Variants in TIMM23B observed in about 807,000 individuals in gnomAD.
The protein encoded by TIMM23B is mitochondrial import inner membrane translocase subunit Tim23B.
In TIMM23B, 27 loss-of-function variants were observed where a neutral mutation model predicts 27.3. That is an observed-to-expected ratio of 0.99 (90% CI 0.73 to 1.36). The LOEUF (loss-of-function observed/expected upper bound fraction) is 1.36, where lower values mean the gene tolerates loss of function less well. TIMM23B is among the 40% of genes most tolerant of loss of function. The pLI, the probability that TIMM23B is intolerant of heterozygous loss-of-function variation, is 0.00. For missense variants in TIMM23B, 205 were observed against 244.2 expected, an observed-to-expected ratio of 0.84 and a Z score of 1.07; for synonymous variants, 73 against 92.4, an observed-to-expected ratio of 0.79 and a Z score of 1.21.
chr10:49,971,587 G>T (rs1840451976), intron 6 of TIMM23B, among the ~76,000 whole-genome samples: 2 of 152,154 alleles, frequency 1.3e-5, no homozygotes, highest in Non-Finnish European at 2.9e-5. Context: ...AGTCTTTTCA[G>T]TGTGCTGTGT....
At chr10:49,948,482 A>C (rs1839421840) in intron 2 of TIMM23B, among the ~76,000 whole-genome samples, 1 of 152,240 alleles carries the variant, frequency 6.6e-6, no homozygotes, top group Non-Finnish European at 1.5e-5. Flanking sequence ...TTATCCACTG[A>C]TGAATGGATA....
At chr10:49,957,139 C>T (rs1167408419) in intron 5 of TIMM23B, among the ~76,000 whole-genome samples, 7 of 151,984 alleles carry the variant, frequency 4.6e-5, no homozygotes, top group Admixed American at 1.3e-4. Flanking sequence ...GTGCTTCTGA[C>T]CAACCAGCTT....
At chr10:49,947,732 C>T (rs1396712803) in intron 2 of TIMM23B, among the ~76,000 whole-genome samples, 5 of 152,066 alleles carry the variant, frequency 3.3e-5, no homozygotes, top group African/African-American at 1.2e-4. Flanking sequence ...AGTTTGAGAC[C>T]TGCCTGGCCA....
At chr10:49,947,864 A>G (rs1410894517) in intron 2 of TIMM23B, among the ~76,000 whole-genome samples, 1 of 152,194 alleles carries the variant, frequency 6.6e-6, no homozygotes, top group Non-Finnish European at 1.5e-5. Context: ...CAGCAGGTCA[A>G]GTCTCAGTGA....
intron 4 of TIMM23B, among the ~76,000 whole-genome samples, chr10:49,954,677 C>T (rs1170037826): frequency 6.6e-6 from 1 of 150,524 alleles, no homozygotes. Flanking sequence ...CATTCAAAGC[C>T]TTATATATAT....
intron 6 of TIMM23B, among the ~76,000 whole-genome samples, chr10:49,967,993 C>A (rs1182730222): frequency 1.3e-4 from 19 of 151,788 alleles, no homozygotes; most frequent in Admixed American, 1.1e-3. Flanking sequence ...TATGTGAAAT[C>A]TCCTGTTTTT....
intron 2 of TIMM23B, among the ~76,000 whole-genome samples, chr10:49,947,424 A>G (rs1394499509): frequency 2.6e-5 from 4 of 151,994 alleles, no homozygotes; most frequent in Admixed American, 1.3e-4. Flanking sequence ...CCTGGCCAAC[A>G]TGGTGAAACC....
At position 49,973,391 on chromosome 10, in the gene TIMM23B, A is replaced by G; in HGVS notation, c.*327A>G. 1 of 320,986 alleles carries G rather than the reference A, an allele frequency of 3.1e-6. No individual in the cohort carries two copies. Among genetic ancestry groups the G allele is most frequent in the Non-Finnish European group, 5.7e-6 (1 of 175,974 alleles). The allele number at this position is 320,986 out of a possible 1,614,324, so 19.9% of individuals were successfully genotyped here. A position where few individuals can be genotyped will look rare whatever the true frequency, so the allele number is the denominator to read the frequency against. ...AAATTTTCTTCTTAATAAAGAATCC[A>G]GTTGCTGGGCACAATGGTTCACACC... On this transcript the variant is annotated 3_prime_UTR_variant, in exon 7 of 7. Transcript: ENST00000651259.
In TIMM23B at chr10:49,973,097, T is replaced by A. The variant is rs756518224; in HGVS notation, c.*33T>A. On this transcript the variant is annotated 3_prime_UTR_variant, in exon 7 of 7. Transcript: ENST00000651259. ...TGTAGAGGTGTGTGTCAATCCCAAC[T>A]GGTGAAGTACTGAGAAGAAGCTACA... The A allele has an allele frequency of 6.5e-7, 1 of 1,529,390 alleles. No individual in the cohort carries two copies. The highest frequency in any genetic ancestry group is 1.4e-5 in the African/African-American group (1 of 72,508). The allele number at this position is 1,529,390 out of a possible 1,614,324, so 94.7% of individuals were successfully genotyped here. A position where few individuals can be genotyped will look rare whatever the true frequency, so the allele number is the denominator to read the frequency against.
At chr10:49,952,404 T>A (rs1430246451) in intron 3 of TIMM23B, 45 bp from the exon 4 acceptor site, 34 of 1,582,060 alleles carry the variant, frequency 2.1e-5, no homozygotes, top group South Asian at 3.5e-5. Flanking sequence ...GTTTTTTTTT[T>A]AATATAAAGC....
chr10:49,962,375 G>C (rs1839949130), intron 6 of TIMM23B, among the ~76,000 whole-genome samples: 1 of 151,964 alleles, frequency 6.6e-6, no homozygotes, highest in South Asian at 2.1e-4. Context: ...GCTAATTTTT[G>C]TATTTTTAAT....
intron 2 of TIMM23B, among the ~76,000 whole-genome samples, chr10:49,949,863 A>G (rs1370676601): frequency 2.0e-5 from 3 of 150,822 alleles, no homozygotes; most frequent in East Asian, 1.9e-4. Flanking sequence ...TTCTTGTTTA[A>G]TAGTAGACAC....
chr10:49,945,066 T>G lies in TIMM23B; in HGVS notation c.141T>G (p.Asn47Lys), dbSNP rs1277211631. ...TGMNPLCPYL[N>K]VDPRYLVQDT... The stretch of plus-strand genomic sequence containing the variant: ...TGAACCCTCTGTGTCCTTATTTAAA[T>G]GTGGATCCACGATACCTCGTGCAGG... Residue 47 changes from asparagine to lysine, a missense_variant, in exon 2 of 7, where the codon AAT becomes AAG. Transcript: ENST00000651259. 5.0e-6 allele frequency: 8 copies of G among 1,604,050 alleles called. No individual in the cohort carries two copies. The highest frequency in any genetic ancestry group is 8.5e-7 in the Non-Finnish European group (1 of 1,173,374).
chr10:49,942,280 C>A lies in TIMM23B; in HGVS notation c.86C>A (p.Ala29Glu), dbSNP rs1839138978. 11 of 1,612,136 alleles carry A rather than the reference C, an allele frequency of 6.8e-6. No individual in the cohort carries two copies. The highest frequency in any genetic ancestry group is 3.3e-5 in the Admixed American group (2 of 59,838). ...FGAGEAGYSH[A>E]DLAGVPLTGM... ...GCCGGCGAAGCAGGTTACTCGCACG[C>A]GGATTTGGCTGGCGTCCCGCGTAAG... The change falls in exon 1 of 7, where the codon GCG becomes GAG. Residue 29 changes from alanine (A) to glutamate (E), a missense_variant. Transcript: ENST00000651259.
At chr10:49,953,947 T>C (rs1839623303) in intron 4 of TIMM23B, among the ~76,000 whole-genome samples, 1 of 152,156 alleles carries the variant, frequency 6.6e-6, no homozygotes, top group South Asian at 2.1e-4. Context: ...GAAGTAGATC[T>C]CCTAGAAAAG....
intron 6 of TIMM23B, among the ~76,000 whole-genome samples, chr10:49,961,726 A>G (rs1418520217): frequency 4.6e-5 from 7 of 151,174 alleles, no homozygotes; most frequent in Admixed American, 2.6e-4. Context: ...CAGCCTGCCC[A>G]GTGGTTCAGA....
chr10:49,942,386 G>GTT, intron 1 of TIMM23B, 86 bp downstream of exon 1: 1 of 1,536,026 alleles, frequency 6.5e-7, no homozygotes, highest in East Asian at 2.5e-5. Flanking sequence ...TATGTTGTTG[G>GTT]TTTTTTTTTC....
chr10:49,958,300 C>T, intron 5 of TIMM23B, 70 bp from the exon 6 acceptor site: 4 of 982,814 alleles, frequency 4.1e-6, no homozygotes, highest in Non-Finnish European at 6.6e-6. Flanking sequence ...GGATGAAAAC[C>T]AATATATGTA....
intron 2 of TIMM23B, 46 bp from the exon 3 acceptor site, chr10:49,952,080 G>A: frequency 7.2e-7 from 1 of 1,394,788 alleles, no homozygotes; most frequent in South Asian, 1.2e-5. Flanking sequence ...TACAAGATTT[G>A]TGTCTTGAGG....
Sources: gnomAD v4.1 joint callset for allele counts (sites outside exome capture counted in the v4.1 genomes callset) on GRCh38, gnomAD v4.1.1 for gene constraint, MANE v1.5 for transcripts, NCBI Gene and HGNC (gene_info 2026-07-23, HGNC 2026-07-21) for gene names.